The following PAGE2B variants were observed in gnomAD, a reference collection of about 807,000 sequenced individuals.
PAGE2B encodes PAGE family member 2B.
In PAGE2B, 5 loss-of-function variants were observed where a neutral mutation model predicts 7.6. The observed-to-expected ratio is 0.66, with a 90% CI of 0.34 to 1.38. PAGE2B has a LOEUF of 1.38. PAGE2B is among the 40% of genes most tolerant of loss of function. The pLI is 0.04. For synonymous variants in PAGE2B, 29 were observed against 26.7 expected (o/e 1.09, Z -0.27); for missense variants, 70 against 78.4 (o/e 0.89, Z 0.41).
the PAGE2B span, among the ~76,000 whole-genome samples, chrX:55,033,099 A>G: frequency 9.0e-6 from 1 of 111,586 alleles, no homozygotes; most frequent in Non-Finnish European, 1.9e-5. Context: ...TCAGACCTTG[A>G]GCAACTTGCT....
At chrX:55,031,794 CT>C in the PAGE2B span, among the ~76,000 whole-genome samples, 7 of 111,252 alleles carry the variant, frequency 6.3e-5, no homozygotes, top group East Asian at 1.7e-3. Context: ...TTTTCTTCCC[CT>C]TTTGTCACTC....
upstream of PAGE2B, among the ~76,000 whole-genome samples, chrX:55,074,706 A>G (rs2498447): frequency 0.069 from 7,795 of 112,499 alleles, 615 homozygotes; most frequent in African/African-American, 0.23. Flanking sequence ...TATAAAACAG[A>G]TATTAAAATA....
chrX:55,056,910 A>G, the PAGE2B span, among the ~76,000 whole-genome samples: 2 of 111,755 alleles, frequency 1.8e-5, no homozygotes, highest in African/African-American at 6.5e-5. Flanking sequence ...AGGATGAGGT[A>G]CAAAGAAAGA....
chrX:55,049,471 C>T, the PAGE2B span, among the ~76,000 whole-genome samples: 1 of 111,473 alleles, frequency 9.0e-6, no homozygotes, highest in Non-Finnish European at 1.9e-5. Flanking sequence ...TTAATTATTG[C>T]CTCAATTTCA....
chrX:55,061,272 T>C, the PAGE2B span, among the ~76,000 whole-genome samples: 3 of 110,863 alleles, frequency 2.7e-5, no homozygotes, highest in Admixed American at 9.7e-5. Context: ...GTTCAAGGGG[T>C]ACATTTGTAG....
At chrX:55,028,885 A>G in the PAGE2B span, among the ~76,000 whole-genome samples, 1 of 111,572 alleles carries the variant, frequency 9.0e-6, no homozygotes, top group Non-Finnish European at 1.9e-5. Context: ...TTGGGTTTGA[A>G]TCCTGGCTCC....
chrX:55,056,926 G>C, the PAGE2B span, among the ~76,000 whole-genome samples: 1 of 111,730 alleles, frequency 9.0e-6, no homozygotes, highest in Non-Finnish European at 1.9e-5. Flanking sequence ...AAAGATACCT[G>C]TTCTGCCGAA....
At chrX:55,069,250 G>A in the PAGE2B span, among the ~76,000 whole-genome samples, 7 of 111,520 alleles carry the variant, frequency 6.3e-5, no homozygotes, top group Non-Finnish European at 1.1e-4. Context: ...TAGCATGCAG[G>A]GCTGTTGAAT....
At chrX:55,036,582 C>T in the PAGE2B span, among the ~76,000 whole-genome samples, 8 of 111,182 alleles carry the variant, frequency 7.2e-5, no homozygotes, top group African/African-American at 2.3e-4. Flanking sequence ...AAAAAGAGCC[C>T]GCATTGCCAA....
upstream of PAGE2B, among the ~76,000 whole-genome samples, chrX:55,071,782 G>A (rs900876900): frequency 2.9e-4 from 32 of 110,910 alleles, no homozygotes; most frequent in African/African-American, 8.2e-4. Context: ...TTGTTTTCTC[G>A]CTTTATTTCA....
chrX:55,059,735 T>C, the PAGE2B span, among the ~76,000 whole-genome samples: 1 of 111,367 alleles, frequency 9.0e-6, no homozygotes, highest in African/African-American at 3.3e-5. Flanking sequence ...CCTTCCTAAC[T>C]GAAACTTTGA....
chrX:55,071,202 A>G (rs763289060), upstream of PAGE2B, among the ~76,000 whole-genome samples: 1 of 110,095 alleles, frequency 9.1e-6, no homozygotes, highest in South Asian at 3.9e-4. Context: ...GTTCCTTTCC[A>G]TGTTTAGTGC....
the PAGE2B span, among the ~76,000 whole-genome samples, chrX:55,036,247 C>G: frequency 9.0e-6 from 1 of 111,667 alleles, no homozygotes; most frequent in Non-Finnish European, 1.9e-5. Flanking sequence ...CATCTGCAAA[C>G]AGGGACAATT....
At chrX:55,033,578 C>CCT in the PAGE2B span, among the ~76,000 whole-genome samples, 1 of 110,577 alleles carries the variant, frequency 9.0e-6, no homozygotes, top group Admixed American at 9.6e-5. Flanking sequence ...TACATAGTCC[C>CCT]CTCTCTCTCT....
upstream of PAGE2B, among the ~76,000 whole-genome samples, chrX:55,071,227 C>T (rs1484779723): frequency 9.0e-6 from 1 of 110,800 alleles, no homozygotes; most frequent in Non-Finnish European, 1.9e-5. Flanking sequence ...TTCAGGAGCT[C>T]TTTTAGGGAA....
chrX:55,062,715 G>C, the PAGE2B span, among the ~76,000 whole-genome samples: 2 of 111,743 alleles, frequency 1.8e-5, no homozygotes, highest in African/African-American at 6.5e-5. Flanking sequence ...TTTTCCTTTG[G>C]TGGTTTCATA....
At chrX:55,049,449 G>A in the PAGE2B span, among the ~76,000 whole-genome samples, 1 of 111,185 alleles carries the variant, frequency 9.0e-6, no homozygotes, top group Non-Finnish European at 1.9e-5. Flanking sequence ...ACTTTTTTTG[G>A]TTGGTAGGCT....
At chrX:55,041,131 G>A in the PAGE2B span, among the ~76,000 whole-genome samples, 1 of 100,291 alleles carries the variant, frequency 1.0e-5, no homozygotes, top group Admixed American at 1.1e-4. Context: ...GCCCAGGCTG[G>A]AGTGCAGTGG....
the PAGE2B span, among the ~76,000 whole-genome samples, chrX:55,038,255 A>G: frequency 9.0e-6 from 1 of 110,907 alleles, no homozygotes; most frequent in Non-Finnish European, 1.9e-5. Flanking sequence ...GCCTTTCCCC[A>G]TTTAATAAAT....
Sources: allele counts gnomAD v4.1 joint callset (sites outside exome capture counted in the v4.1 genomes callset), GRCh38; gene constraint gnomAD v4.1.1; transcripts MANE v1.5; gene names NCBI Gene and HGNC (gene_info 2026-07-23, HGNC 2026-07-21).